Variants in PRR36 observed in about 807,000 individuals in gnomAD.
The protein encoded by PRR36 is proline rich 36.
In PRR36, 30 loss-of-function variants were observed where a neutral mutation model predicts 58.6. The observed-to-expected ratio is 0.51, with a 90% CI of 0.38 to 0.69. PRR36 has a LOEUF of 0.69. Among genes scored for constraint, PRR36 ranks in the 30% least tolerant of loss-of-function variants. The pLI, the probability that PRR36 is intolerant of heterozygous loss-of-function variation, is 0.00. For missense variants in PRR36, 1,692 were observed against 1,805.6 expected, an observed-to-expected ratio of 0.94 and a Z score of 1.14; for synonymous variants, 771 against 829.3, an observed-to-expected ratio of 0.93 and a Z score of 1.21.
At position 7,872,418 on chromosome 19, in the gene PRR36, C is replaced by T. The variant is rs1436541993; in HGVS notation, c.826G>A (p.Gly276Arg). 2 of 1,451,798 alleles carry T rather than the reference C, an allele frequency of 1.4e-6. No homozygotes were observed. Among genetic ancestry groups the T allele is most frequent in the East Asian group, 5.0e-5 (2 of 40,030 alleles). 89.9% of individuals were successfully genotyped at this position (1,451,798 alleles called of 1,614,324 possible). Residue 276 changes from glycine (G) to arginine (R), a missense_variant, in exon 5 of 6, where the codon GGA becomes AGA. Physicochemically the swap from Gly to Arg is moderately radical, Grantham distance 125 (BLOSUM62 -2). Around this residue, in one of 5 missense-constraint regions of PRR36, gnomAD observed 975 missense variants for 955.2 expected, o/e 1.02. Transcript: ENST00000618550. This position sits in a 1 kb window ranked among gnomAD's most constrained non-coding sequence, Gnocchi z 6.1. ...PAHPSQPKPK[G>R]LQALRPPQVT... is the part of the protein sequence containing the mutation. ...TGAGGGGGTCGCAGAGCCTGCAGTCCTTTCGGCTTGGGCTGCGAGGGATGC... is the reference window on the plus strand; with the variant it reads ...TGAGGGGGTCGCAGAGCCTGCAGTCTTTTCGGCTTGGGCTGCGAGGGATGC...
Position 7,873,806 on chromosome 19 carries a change from C to T in PRR36, c.-7-110G>A. 8.8e-7 allele frequency: 1 copy of T among 1,131,610 alleles called. No homozygotes were observed. Among genetic ancestry groups the T allele is most frequent in the Non-Finnish European group, 1.2e-6 (1 of 818,134 alleles). 70.1% of individuals were successfully genotyped at this position (1,131,610 alleles called of 1,614,324 possible). A position where few individuals can be genotyped will look rare whatever the true frequency, so the allele number is the denominator to read the frequency against. ...TTCGCAGCATCGCCACCCATGGACA[C>T]TCAAACCTCGGCCTCGGCTTCCATC... On this transcript the variant is annotated intron_variant, in intron 1 of 5. Coordinates refer to ENST00000618550, the MANE Select transcript of PRR36 (RefSeq NM_001190467.2). The surrounding 1 kb of genome is among the most constrained non-coding windows in gnomAD (Gnocchi z 5.0).
In PRR36 at chr19:7,871,336, G is replaced by A. The variant is rs1448156286; in HGVS notation, c.1908C>T (p.Thr636=). The A allele has an allele frequency of 5.9e-6, 9 of 1,530,150 alleles. 1 individual carries two copies. In the African/African-American group the frequency reaches 8.2e-5, roughly 14 times the overall value. 94.8% of individuals were successfully genotyped at this position (1,530,150 alleles called of 1,614,324 possible). Residue 636 remains threonine, a synonymous_variant, in exon 5 of 6, where the codon ACC becomes ACT. Coordinates refer to ENST00000618550, the MANE Select transcript of PRR36 (RefSeq NM_001190467.2). ...HSFLTMSPRQ[T]QASLISPSRP... ...GAGAAGGTGAGATCAAAGAAGCTTG[G>A]GTTTGCCTAGGGGACATTGTCAGGA...
chr19:7,873,379 G>C lies in PRR36; in HGVS notation c.271+40C>G. The C allele has an allele frequency of 6.6e-7, 1 of 1,517,102 alleles. No individual in the cohort carries two copies. The highest frequency in any genetic ancestry group is 8.8e-7 in the Non-Finnish European group (1 of 1,135,136). 94.0% of individuals were successfully genotyped at this position (1,517,102 alleles called of 1,614,324 possible). On this transcript the variant is annotated intron_variant, in intron 2 of 5. Transcript: ENST00000618550. This position sits in a 1 kb window ranked among gnomAD's most constrained non-coding sequence, Gnocchi z 5.0. ...GACTGGACAGGTATTGGAAGGGGGA[G>C]GGAAGATGGGGGCGGAGCTGAGGAA...
At position 7,870,576 on chromosome 19, in the gene PRR36, G is replaced by C. The variant is rs758566436; in HGVS notation, c.2668C>G (p.Pro890Ala). ...VHLLQAPFSP[P>A]PSPPVQAPFS... is the part of the protein sequence containing the mutation. ...GGGGCCTGCACTGGGGGTGAGGGAG[G>C]GGGAGAGAAAGGGGCCTGCAGAAGG... is the stretch of plus-strand genomic sequence containing the variant. Residue 890 changes from proline (P) to alanine (A), a missense_variant, in exon 5 of 6, where the codon CCT becomes GCT. This residue lies in a region of PRR36 where 171 missense variants were observed against 146.2 expected (regional missense o/e 1.17). Coordinates refer to ENST00000618550, the MANE Select transcript of PRR36 (RefSeq NM_001190467.2). The C allele has an allele frequency of 3.3e-6, 4 of 1,225,754 alleles. No homozygotes were observed. Among genetic ancestry groups the C allele is most frequent in the East Asian group, 3.4e-5 (1 of 29,392 alleles). 75.9% of individuals were successfully genotyped at this position (1,225,754 alleles called of 1,614,324 possible).
Position 7,870,303 on chromosome 19 carries a change from G to T in PRR36, c.2941C>A (p.Pro981Thr). ...TGCAGAGGAGGAGCGGCAAGAAGGG[G>T]TGGGACCCGTGGAGGGGGCGTGGCC... Reference protein sequence around the residue: ...PSATPPPRVPPLLAAPPLQVP... With the variant: ...PSATPPPRVPTLLAAPPLQVP... Residue 981 changes from proline to threonine, a missense_variant, in exon 5 of 6, where the codon CCC becomes ACC. Coordinates refer to ENST00000618550, the MANE Select transcript of PRR36 (RefSeq NM_001190467.2). 8.0e-7 allele frequency: 1 copy of T among 1,257,110 alleles called. No homozygotes were observed. Among genetic ancestry groups the T allele is most frequent in the Non-Finnish European group, 1.0e-6 (1 of 1,001,134 alleles). 77.9% of individuals were successfully genotyped at this position (1,257,110 alleles called of 1,614,324 possible).
In PRR36 at chr19:7,869,024, T is replaced by C. The variant is rs777198527; in HGVS notation, c.*9A>G. ...GGGTGGGGTGTAGCAGGCGGGGCTGTGGTCTGGCTCAGTGGAAGGTCTCCA... is the reference window on the plus strand; with the variant it reads ...GGGTGGGGTGTAGCAGGCGGGGCTGCGGTCTGGCTCAGTGGAAGGTCTCCA... On this transcript the variant is annotated 3_prime_UTR_variant, in exon 6 of 6. Coordinates refer to ENST00000618550, the MANE Select transcript of PRR36 (RefSeq NM_001190467.2). 4.7e-6 allele frequency: 7 copies of C among 1,502,196 alleles called. No individual in the cohort carries two copies. Among genetic ancestry groups the C allele is most frequent in the Non-Finnish European group, 4.4e-6 (5 of 1,128,780 alleles). 93.1% of individuals were successfully genotyped at this position (1,502,196 alleles called of 1,614,324 possible).
Position 7,870,352 on chromosome 19 carries a change from A to G in PRR36, c.2892T>C (p.Pro964=). ...APPLQVPPSP[P]ASPPMSPSAT... is the part of the protein sequence containing the mutation. ...CCGAAGGAGACATTGGGGGAGAGGC[A>G]GGGGGAGAGGGTGGGACCTGCAGAG... is the stretch of plus-strand genomic sequence containing the variant. The change falls in exon 5 of 6, where the codon CCT becomes CCC. Residue 964 remains proline, a synonymous_variant. Coordinates refer to ENST00000618550, the MANE Select transcript of PRR36 (RefSeq NM_001190467.2). 1 of 461,086 alleles carries G rather than the reference A, an allele frequency of 2.2e-6. No individual in the cohort carries two copies. Among genetic ancestry groups the G allele is most frequent in the Non-Finnish European group, 2.6e-6 (1 of 377,366 alleles). The allele number at this position is 461,086 out of a possible 1,614,324, so 28.6% of individuals were successfully genotyped here.
Position 7,869,941 on chromosome 19 carries a change from G to T in PRR36, c.3303C>A (p.Gly1101=). ...GPRLTLALAP[G]PPPPPSRSPS... ...GGCTGCGCGAGGGCGGCGGCGGCGG[G>T]CCGGGGGCCAACGCCAGGGTCAGCC... The change falls in exon 5 of 6, where the codon GGC becomes GGA. Residue 1101 remains glycine, a synonymous_variant. Coordinates refer to ENST00000618550, the MANE Select transcript of PRR36 (RefSeq NM_001190467.2). 2.2e-6 allele frequency: 3 copies of T among 1,370,816 alleles called. No individual in the cohort carries two copies. The South Asian group carries it at 5.1e-5, about 23-fold the overall frequency. 84.9% of individuals were successfully genotyped at this position (1,370,816 alleles called of 1,614,324 possible).
rs1346760426 is a variant in PRR36, at chr19:7,869,174, G to A, written c.3900C>T (p.Ala1300=). The part of the protein sequence containing the change: ...TGGARAALSD[A]ELGRWAELLS... ...GTAGTTCGGCCCAGCGGCCGAGTTCGGCGTCGCTGAGTGCAGCCCGGGCGC... is the reference window on the plus strand; with the variant it reads ...GTAGTTCGGCCCAGCGGCCGAGTTCAGCGTCGCTGAGTGCAGCCCGGGCGC... The change falls in exon 6 of 6, where the codon GCC becomes GCT. Residue 1300 remains alanine, a synonymous_variant. Transcript: ENST00000618550. 1 of 1,535,314 alleles carries A rather than the reference G, an allele frequency of 6.5e-7. No homozygotes were observed. Among genetic ancestry groups the A allele is most frequent in the Admixed American group, 2.0e-5 (1 of 50,984 alleles).
In PRR36 at chr19:7,872,644, G is replaced by A; in HGVS notation, c.600C>T (p.Pro200=). 1 of 1,481,084 alleles carries A rather than the reference G, an allele frequency of 6.8e-7. No homozygotes were observed. The highest frequency in any genetic ancestry group is 8.9e-7 in the Non-Finnish European group (1 of 1,121,000). 91.7% of individuals were successfully genotyped at this position (1,481,084 alleles called of 1,614,324 possible). A position where few individuals can be genotyped will look rare whatever the true frequency, so the allele number is the denominator to read the frequency against. Residue 200 remains proline, a synonymous_variant, in exon 5 of 6, where the codon CCC becomes CCT. Coordinates refer to ENST00000618550, the MANE Select transcript of PRR36 (RefSeq NM_001190467.2). This position sits in a 1 kb window ranked among gnomAD's most constrained non-coding sequence, Gnocchi z 6.1. ...PRPAPSARPR[P]PTEGPRKSVS... is the part of the protein sequence containing the mutation. Reference sequence around the variant, plus strand: ...CTGATTTCCGGGGGCCCTCTGTCGGGGGCCGTGGCCGGGCACTCGGAGCTG... The same window carrying A: ...CTGATTTCCGGGGGCCCTCTGTCGGAGGCCGTGGCCGGGCACTCGGAGCTG...
Position 7,872,158 on chromosome 19 carries a change from A to G in PRR36, c.1086T>C (p.Leu362=), listed in dbSNP as rs757900638. The G allele has an allele frequency of 1.3e-6, 2 of 1,488,352 alleles. No individual in the cohort carries two copies. The highest frequency in any genetic ancestry group is 2.5e-5 in the East Asian group (1 of 40,356). The allele number at this position is 1,488,352 out of a possible 1,614,324, so 92.2% of individuals were successfully genotyped here. A position where few individuals can be genotyped will look rare whatever the true frequency, so the allele number is the denominator to read the frequency against. Residue 362 remains leucine (L), a synonymous_variant, in exon 5 of 6, where the codon CTT becomes CTC. Coordinates refer to ENST00000618550, the MANE Select transcript of PRR36 (RefSeq NM_001190467.2). This position sits in a 1 kb window ranked among gnomAD's most constrained non-coding sequence, Gnocchi z 6.1. ...GAAGGGGCGTGGCCAACTGACAGGT[A>G]AGGCTCGACGAGTGGGGCGTGGCCG... ...TLPATPHSSS[L]TCQLATPLPL...
In PRR36 at chr19:7,872,973, A is replaced by C; in HGVS notation, c.375-12T>G. 2.0e-6 allele frequency: 3 copies of C among 1,530,820 alleles called. No individual in the cohort carries two copies. The highest frequency in any genetic ancestry group is 2.6e-6 in the Non-Finnish European group (3 of 1,142,394). The allele number at this position is 1,530,820 out of a possible 1,614,324, so 94.8% of individuals were successfully genotyped here. On this transcript the variant is annotated splice_polypyrimidine_tract_variant and intron_variant, in intron 3 of 5. Coordinates refer to ENST00000618550, the MANE Select transcript of PRR36 (RefSeq NM_001190467.2). The surrounding 1 kb of genome is among the most constrained non-coding windows in gnomAD (Gnocchi z 6.1). ...CAAGAGGGCCTGGCCTGGAGACAGA[A>C]GGGGCCACGCTCAGGCCTAGGTCTT...
Position 7,872,902 on chromosome 19 carries a change from C to T in PRR36, c.434G>A (p.Gly145Glu). The change falls in exon 4 of 6, where the codon GGA (glycine) becomes GAA (glutamate). Residue 145 changes from glycine to glutamate, a missense_variant. Around this residue, in one of 5 missense-constraint regions of PRR36, gnomAD observed 975 missense variants for 955.2 expected, o/e 1.02. Coordinates refer to ENST00000618550, the MANE Select transcript of PRR36 (RefSeq NM_001190467.2). The surrounding 1 kb of genome is among the most constrained non-coding windows in gnomAD (Gnocchi z 6.1). ...RISAEETVAR[G>E]KATEAPKRSA... Reference sequence around the variant, plus strand: ...CCTTTTGGGAGCCTCTGTAGCTTTTCCTCTGGCCACAGTTTCCTCCGCTGA... The same window carrying T: ...CCTTTTGGGAGCCTCTGTAGCTTTTTCTCTGGCCACAGTTTCCTCCGCTGA... The T allele has an allele frequency of 6.5e-7, 1 of 1,536,082 alleles. No individual in the cohort carries two copies. Among genetic ancestry groups the T allele is most frequent in the Non-Finnish European group, 8.7e-7 (1 of 1,146,876 alleles).
In PRR36 at chr19:7,873,285, C is replaced by T. The variant is rs988789918; in HGVS notation, c.286G>A (p.Ala96Thr). The change falls in exon 3 of 6, where the codon GCC (alanine) becomes ACC (threonine). Residue 96 changes from alanine to threonine, a missense_variant. Coordinates refer to ENST00000618550, the MANE Select transcript of PRR36 (RefSeq NM_001190467.2). The surrounding 1 kb of genome is among the most constrained non-coding windows in gnomAD (Gnocchi z 5.0). ...SSRNPASRPP[A>T]SGRGERAPPA... ...GGAGCTCTCTCCCCTCTCCCAGAGG[C>T]TGGGGGCCTGGAGGCTGCGGGGAGA... The T allele has an allele frequency of 6.5e-7, 1 of 1,535,142 alleles. No individual in the cohort carries two copies. Among genetic ancestry groups the T allele is most frequent in the Non-Finnish European group, 8.7e-7 (1 of 1,146,476 alleles).
In PRR36 at chr19:7,873,212, G is replaced by A. The variant is rs1469244108; in HGVS notation, c.359C>T (p.Ala120Val). 6.5e-7 allele frequency: 1 copy of A among 1,535,964 alleles called. No individual in the cohort carries two copies. The highest frequency in any genetic ancestry group is 8.7e-7 in the Non-Finnish European group (1 of 1,146,782). Residue 120 changes from alanine to valine, a missense_variant, in exon 3 of 6, where the codon GCC (alanine) becomes GTC (valine). By Grantham distance (64) the Ala-to-Val change is moderately conservative. Around this residue, in one of 5 missense-constraint regions of PRR36, gnomAD observed 975 missense variants for 955.2 expected, o/e 1.02. Coordinates refer to ENST00000618550, the MANE Select transcript of PRR36 (RefSeq NM_001190467.2). The surrounding 1 kb of genome is among the most constrained non-coding windows in gnomAD (Gnocchi z 5.0). ...AGCAGGTTACCTGGTGGTCCCGCTGGCACGCCCTGGGCTAGAAACAGGGCC... is the reference window on the plus strand; with the variant it reads ...AGCAGGTTACCTGGTGGTCCCGCTGACACGCCCTGGGCTAGAAACAGGGCC... ...SPGPVSSPGR[A>V]SGTTRPGPLG...
Position 7,871,984 on chromosome 19 carries a change from C to T in PRR36, c.1260G>A (p.Val420=), listed in dbSNP as rs1712252868. The T allele has an allele frequency of 1.8e-5, 27 of 1,535,436 alleles. No individual in the cohort carries two copies. The highest frequency in any genetic ancestry group is 2.4e-5 in the Non-Finnish European group (27 of 1,146,816). The stretch of plus-strand genomic sequence containing the variant: ...ATGAAACTGATGGAGAGACTGAAGC[C>T]ACAAAAGCGGCTGTGGCCAGGGAAG... The part of the protein sequence containing the change: ...GVSSLATAAF[V]ASVSPSVSSP... Residue 420 remains valine, a synonymous_variant, in exon 5 of 6, where the codon GTG becomes GTA. Transcript: ENST00000618550.
At position 7,872,444 on chromosome 19, in the gene PRR36, G is replaced by T. The variant is rs1394762427; in HGVS notation, c.800C>A (p.Ala267Glu). 12 of 1,455,096 alleles carry T rather than the reference G, an allele frequency of 8.2e-6. No individual in the cohort carries two copies. In the Admixed American group the frequency reaches 2.1e-4, roughly 26 times the overall value. The allele number at this position is 1,455,096 out of a possible 1,614,324, so 90.1% of individuals were successfully genotyped here. Residue 267 changes from alanine to glutamate, a missense_variant, in exon 5 of 6, where the codon GCG becomes GAG. This residue lies in a region of PRR36 where 975 missense variants were observed against 955.2 expected (regional missense o/e 1.02). Coordinates refer to ENST00000618550, the MANE Select transcript of PRR36 (RefSeq NM_001190467.2). This position sits in a 1 kb window ranked among gnomAD's most constrained non-coding sequence, Gnocchi z 6.1. ...PSARGTPRAP[A>E]HPSQPKPKGL... is the part of the protein sequence containing the mutation. ...TTTCGGCTTGGGCTGCGAGGGATGC[G>T]CAGGAGCCCTGGGTGTTCCGCGGGC...
rs1208281535 is a variant in PRR36, at chr19:7,869,388, C to T, written c.3686G>A (p.Gly1229Glu). The T allele has an allele frequency of 4.1e-6, 6 of 1,467,698 alleles. No homozygotes were observed. Among genetic ancestry groups the T allele is most frequent in the Non-Finnish European group, 5.4e-6 (6 of 1,119,052 alleles). The allele number at this position is 1,467,698 out of a possible 1,614,324, so 90.9% of individuals were successfully genotyped here. A position where few individuals can be genotyped will look rare whatever the true frequency, so the allele number is the denominator to read the frequency against. Residue 1229 changes from glycine (G) to glutamate (E), a missense_variant, in exon 6 of 6, where the codon GGG becomes GAG. Gly to Glu is a moderately conservative substitution (Grantham distance 98, BLOSUM62 -2). This residue lies in a region of PRR36 where 485 missense variants were observed against 549.2 expected (regional missense o/e 0.88). Transcript: ENST00000618550. ...CCGCGAGGACGCCCCGGCCCCGGCC[C>T]CAGCCGCCGCCTTCCCACCGCTCGT... Reference protein sequence around the residue: ...PGTSGGKAAAGAGAGASSRSP... With the variant: ...PGTSGGKAAAEAGAGASSRSP...
Position 7,873,049 on chromosome 19 carries a change from C to T in PRR36, c.375-88G>A. ...TCCCATCTGTGAAATGGGCATGTGC[C>T]CTCTCTGAGGACCAATAATGGCTTT... On this transcript the variant is annotated intron_variant, in intron 3 of 5. Transcript: ENST00000618550. The surrounding 1 kb of genome is among the most constrained non-coding windows in gnomAD (Gnocchi z 5.0). 1.5e-6 allele frequency: 2 copies of T among 1,351,936 alleles called. No individual in the cohort carries two copies. The highest frequency in any genetic ancestry group is 2.5e-5 in the South Asian group (2 of 78,686). The allele number at this position is 1,351,936 out of a possible 1,614,324, so 83.7% of individuals were successfully genotyped here.
Sources: gnomAD v4.1 joint callset for allele counts on GRCh38, gnomAD v4.1.1 for gene constraint, gnomAD v4.1.1 regional missense constraint, Gnocchi (gnomAD v3.1) non-coding constraint, MANE v1.5 for transcripts, NCBI Gene and HGNC (gene_info 2026-07-23, HGNC 2026-07-21) for gene names.